PLSCR1: variants seen among roughly 807,000 people sequenced by gnomAD.
The protein encoded by PLSCR1 is phospholipid scramblase 1, also known as PL scramblase 1.
A neutral mutation model predicts 37.8 loss-of-function variants in PLSCR1; 17 were observed. That is an observed-to-expected ratio of 0.45 (90% confidence interval 0.31 to 0.68). PLSCR1 has a LOEUF of 0.68. Ranked by LOEUF, PLSCR1 falls within the 30% of genes least tolerant of loss-of-function variation. The pLI, the probability that PLSCR1 is intolerant of heterozygous loss-of-function variation, is 0.06. For missense variants in PLSCR1, 347 were observed against 380.9 expected (o/e 0.91, Z 0.74); for synonymous variants, 116 against 125.9 (o/e 0.92, Z 0.53).
At position 146,521,919 on chromosome 3, in the gene PLSCR1, T is replaced by C. The variant is rs1249854516; in HGVS notation, c.490A>G (p.Ile164Val). The change falls in exon 6 of 9, where the codon ATT becomes GTT. Residue 164 changes from isoleucine to valine, a missense_variant. Ile to Val is a conservative substitution (Grantham distance 29). Coordinates refer to ENST00000342435, the MANE Select transcript of PLSCR1 (RefSeq NM_021105.3). The part of the protein sequence containing the change: ...CGPSRPFTLR[I>V]IDNMGQEVIT... Reference sequence around the variant, plus strand: ...ACTTCTTGACCCATATTATCAATAATCCTCAAGGTAAAAGGTCTAGATGGC... The same window carrying C: ...ACTTCTTGACCCATATTATCAATAACCCTCAAGGTAAAAGGTCTAGATGGC... The C allele has an allele frequency of 6.2e-7, 1 of 1,613,574 alleles. No homozygotes were observed. Among genetic ancestry groups the C allele is most frequent in the African/African-American group, 1.3e-5 (1 of 74,898 alleles).
intron 4 of PLSCR1, 99 bp from the exon 5 acceptor site, chr3:146,525,746 T>C: frequency 5.2e-6 from 3 of 575,586 alleles, no homozygotes; most frequent in Non-Finnish European, 9.3e-6. Context: ...TTAAAGTACA[T>C]GTAACCAATT....
At chr3:146,520,629 A>G (rs62272753) in intron 7 of PLSCR1, among the ~76,000 whole-genome samples, 31,829 of 152,066 alleles carry the variant, frequency 0.21, 3,415 homozygotes, top group South Asian at 0.26. Context: ...ATATAGCTAA[A>G]GTCTGACGGA....
In PLSCR1 at chr3:146,528,732, T is replaced by C. The variant is rs1341493021; in HGVS notation, c.194A>G (p.Asn65Ser). Residue 65 changes from asparagine to serine, a missense_variant, in exon 4 of 9, where the codon AAT (asparagine) becomes AGT (serine). Transcript: ENST00000342435. The stretch of plus-strand genomic sequence containing the variant: ...TACTGGCTGATTATACACTGGCTGA[T>C]TTGGGACAGGAAAGCCAGCTGGGCC... The part of the protein sequence containing the change: ...GPGPAGFPVP[N>S]QPVYNQPVYN... The C allele has an allele frequency of 6.2e-7, 1 of 1,614,164 alleles. No individual in the cohort carries two copies. The highest frequency in any genetic ancestry group is 8.5e-7 in the Non-Finnish European group (1 of 1,180,026).
At chr3:146,539,222 C>A (rs1391226658) in intron 1 of PLSCR1, among the ~76,000 whole-genome samples, 1 of 152,156 alleles carries the variant, frequency 6.6e-6, no homozygotes, top group East Asian at 1.9e-4. Context: ...ATAAGGAGTG[C>A]GCAACCTAGA....
In PLSCR1 at chr3:146,522,048, T is replaced by G; in HGVS notation, c.361A>C (p.Thr121Pro). 1 of 1,551,496 alleles carries G rather than the reference T, an allele frequency of 6.4e-7. No individual in the cohort carries two copies. Among genetic ancestry groups the G allele is most frequent in the Non-Finnish European group, 8.9e-7 (1 of 1,122,856 alleles). ...HQQIELLEVL[T>P]GFETNNKYEI... ...TATTTGTTATTAGTTTCAAAACCTG[T>G]TAAAACTAAAAACATAAAAGACGAA... Residue 121 changes from threonine (T) to proline (P), a missense_variant, in exon 6 of 9, where the codon ACA becomes CCA. Coordinates refer to ENST00000342435, the MANE Select transcript of PLSCR1 (RefSeq NM_021105.3).
rs1402977961 is a variant in PLSCR1, at chr3:146,522,065, A to G, written c.356-12T>C. 4 of 1,400,354 alleles carry G rather than the reference A, an allele frequency of 2.9e-6. No homozygotes were observed. The South Asian group carries it at 3.5e-5, about 12-fold the overall frequency. 86.7% of individuals were successfully genotyped at this position (1,400,354 alleles called of 1,614,324 possible). ...AAAACCTGTTAAAACTAAAAACATA[A>G]AAGACGAAATCATAATCACCTCTAT... On this transcript the variant is annotated splice_polypyrimidine_tract_variant and intron_variant, in intron 5 of 8. Coordinates refer to ENST00000342435, the MANE Select transcript of PLSCR1 (RefSeq NM_021105.3).
chr3:146,536,442 C>T, intron 2 of PLSCR1, 98 bp downstream of exon 2: 1 of 715,762 alleles, frequency 1.4e-6, no homozygotes, highest in Non-Finnish European at 2.5e-6. Flanking sequence ...ACAAATTATA[C>T]ACTTTCAGAC....
intron 1 of PLSCR1, among the ~76,000 whole-genome samples, chr3:146,541,341 C>T (rs2044335898): frequency 6.6e-6 from 1 of 152,148 alleles, no homozygotes; most frequent in Non-Finnish European, 1.5e-5. Flanking sequence ...ACCAAAGAGA[C>T]AAAGGAAACA....
chr3:146,531,473 T>C (rs2044197623), intron 3 of PLSCR1, among the ~76,000 whole-genome samples: 1 of 152,190 alleles, frequency 6.6e-6, no homozygotes, highest in Non-Finnish European at 1.5e-5. Flanking sequence ...GGCAGACCAG[T>C]GGGGATATGG....
chr3:146,537,742 C>A (rs763046243), intron 1 of PLSCR1, among the ~76,000 whole-genome samples: 3 of 152,022 alleles, frequency 2.0e-5, no homozygotes, highest in Non-Finnish European at 4.4e-5. Context: ...TGGTGGCATG[C>A]GCTTGTAGTC....
Position 146,536,686 on chromosome 3 carries a change from C to T in PLSCR1, c.-13-121G>A, listed in dbSNP as rs959223683. On this transcript the variant is annotated intron_variant, in intron 1 of 8. Coordinates refer to ENST00000342435, the MANE Select transcript of PLSCR1 (RefSeq NM_021105.3). The stretch of plus-strand genomic sequence containing the variant: ...TCATAGGATATTCCTCTTTATTCAT[C>T]CAGCCCAGCCTTATCTGGTCATTTA... The T allele has an allele frequency of 4.7e-6, 3 of 638,550 alleles. No individual in the cohort carries two copies. In the African/African-American group the frequency reaches 5.4e-5, roughly 12 times the overall value. The allele number at this position is 638,550 out of a possible 1,614,324, so 39.6% of individuals were successfully genotyped here.
chr3:146,535,815 G>A (rs775177267), intron 2 of PLSCR1, among the ~76,000 whole-genome samples: 7 of 152,086 alleles, frequency 4.6e-5, no homozygotes, highest in Non-Finnish European at 1.0e-4. Flanking sequence ...GTCTAGTCCT[G>A]GAGATTATTT....
chr3:146,540,306 T>C (rs917533001), intron 1 of PLSCR1, among the ~76,000 whole-genome samples: 42 of 152,228 alleles, frequency 2.8e-4, no homozygotes, highest in Admixed American at 2.3e-3. Context: ...ATTATTTGCA[T>C]ACAAGTACAT....
chr3:146,540,125 C>T (rs544891707), intron 1 of PLSCR1, among the ~76,000 whole-genome samples: 13 of 152,172 alleles, frequency 8.5e-5, no homozygotes, highest in African/African-American at 3.1e-4. Context: ...CAGAAATACT[C>T]AGAGAAAGGG....
intron 2 of PLSCR1, among the ~76,000 whole-genome samples, chr3:146,535,034 C>T (rs1016030826): frequency 7.9e-5 from 12 of 152,074 alleles, no homozygotes; most frequent in Admixed American, 2.6e-4. Flanking sequence ...TTCTATTTCT[C>T]AGCATCAAGT....
intron 1 of PLSCR1, among the ~76,000 whole-genome samples, chr3:146,543,637 G>A (rs544325817): frequency 6.6e-6 from 1 of 152,264 alleles, no homozygotes; most frequent in East Asian, 1.9e-4. Flanking sequence ...AAACCACCTG[G>A]GAACCAGAGA....
intron 4 of PLSCR1, chr3:146,527,905 T>G: frequency 6.7e-6 from 1 of 149,340 alleles, no homozygotes; most frequent in African/African-American, 2.6e-5. Context: ...AAACCTCTTA[T>G]TGCTGAGATT....
Position 146,517,051 on chromosome 3 carries a change from A to C in PLSCR1, c.855T>G (p.Leu285=). The C allele has an allele frequency of 6.2e-7, 1 of 1,601,854 alleles. No homozygotes were observed. The highest frequency in any genetic ancestry group is 2.3e-5 in the East Asian group (1 of 44,350). Residue 285 remains leucine, a synonymous_variant, in exon 8 of 9, where the codon CTT becomes CTG. Coordinates refer to ENST00000342435, the MANE Select transcript of PLSCR1 (RefSeq NM_021105.3). ...DNFGIQFPLD[L]DVKMKAVMIG... Reference sequence around the variant, plus strand: ...TCATTACAGCTTTCATTTTAACATCAAGGTCTAAAGGGAACTGGATTCCAA... The same window carrying C: ...TCATTACAGCTTTCATTTTAACATCCAGGTCTAAAGGGAACTGGATTCCAA...
chr3:146,528,160 C>A (rs539145736), intron 4 of PLSCR1: 1 of 155,638 alleles, frequency 6.4e-6, no homozygotes, highest in East Asian at 1.9e-4. Flanking sequence ...AGTATTGAGA[C>A]TAAAGAGCAC....
Sources: gnomAD v4.1 joint callset for allele counts (sites outside exome capture counted in the v4.1 genomes callset) on GRCh38, gnomAD v4.1.1 for gene constraint, MANE v1.5 for transcripts, NCBI Gene and HGNC (gene_info 2026-07-23, HGNC 2026-07-21) for gene names.